Variants in SEMA6A observed in about 807,000 individuals in gnomAD.
The protein encoded by SEMA6A is semaphorin 6A.
Under a neutral mutation model 96.8 loss-of-function variants are expected in SEMA6A, and 25 were observed. The ratio of observed to expected loss-of-function variants is 0.26; its 90% CI spans 0.19 to 0.36. The LOEUF (loss-of-function observed/expected upper bound fraction) is 0.36, where lower values mean the gene tolerates loss of function less well. Ranked by LOEUF, SEMA6A falls within the 10% of genes least tolerant of loss-of-function variation. SEMA6A has a pLI of 1.00. For missense variants in SEMA6A, 1,363 were observed against 1,323.1 expected (o/e 1.03, Z -0.47); for synonymous variants, 612 against 518.0 (o/e 1.18, Z -2.46).
At chr5:116,505,531 CTTAA>C (rs898520379) in intron 1 of SEMA6A, among the ~76,000 whole-genome samples, 2 of 151,804 alleles carry the variant, frequency 1.3e-5, no homozygotes, top group African/African-American at 2.4e-5. Context: ...TGCTTGACTT[CTTAA>C]TTGAGATATT....
chr5:116,491,913 C>T (rs1463334730), intron 6 of SEMA6A, 83 bp from the exon 7 acceptor site: 7 of 1,137,564 alleles, frequency 6.2e-6, no homozygotes, highest in South Asian at 5.1e-5. Context: ...CAGGATGTGA[C>T]AGGCCTTTTG....
At chr5:116,452,552 A>G (rs535980076) in intron 18 of SEMA6A, among the ~76,000 whole-genome samples, 2 of 152,254 alleles carry the variant, frequency 1.3e-5, no homozygotes, top group South Asian at 4.1e-4. Context: ...ACCCTGCAAC[A>G]TGTGATTCAA....
chr5:116,559,643 G>A (rs1306307317), intron 1 of SEMA6A, among the ~76,000 whole-genome samples: 2 of 152,148 alleles, frequency 1.3e-5, no homozygotes, highest in Non-Finnish European at 2.9e-5. Flanking sequence ...TGCTTATTAT[G>A]TGTCACTTAA....
chr5:116,486,889 C>G lies in SEMA6A; in HGVS notation c.822G>C (p.Thr274=), dbSNP rs17139910. The part of the protein sequence containing the change: ...GSQRVLEKQW[T]SFLKARLNCS... ...AGTTCAAGCGCGCCTTCAGGAACGA[C>G]GTCCACTGTTTCTCCAGGACTCTTT... The change falls in exon 10 of 19, where the codon ACG becomes ACC. Residue 274 remains threonine, a synonymous_variant. Coordinates refer to ENST00000343348, the MANE Select transcript of SEMA6A (RefSeq NM_020796.5). 6.2e-7 allele frequency: 1 copy of G among 1,613,804 alleles called. No individual in the cohort carries two copies.
intron 3 of SEMA6A, 94 bp downstream of exon 3, chr5:116,502,116 A>G: frequency 1.1e-6 from 1 of 894,796 alleles, no homozygotes; most frequent in East Asian, 2.4e-5. Flanking sequence ...CTATTTAGAA[A>G]CCTCAAGATC....
At chr5:116,534,278 T>A (rs1313242990) in intron 1 of SEMA6A, among the ~76,000 whole-genome samples, 1 of 152,236 alleles carries the variant, frequency 6.6e-6, no homozygotes, top group Non-Finnish European at 1.5e-5. Context: ...ACCATTTTGT[T>A]TTGCTGAAAT....
In SEMA6A at chr5:116,495,276, A is replaced by G. The variant is rs970212474; in HGVS notation, c.444+137T>C. 60 of 691,310 alleles carry G rather than the reference A, an allele frequency of 8.7e-5. No individual in the cohort carries two copies. The African/African-American group carries it at 9.2e-4, about 11-fold the overall frequency. The allele number at this position is 691,310 out of a possible 1,614,324, so 42.8% of individuals were successfully genotyped here. A position where few individuals can be genotyped will look rare whatever the true frequency, so the allele number is the denominator to read the frequency against. ...AGCCTGCTTAGGATCACTCATGTGG[A>G]GCAATACATTAAGTTGAACAAGTGA... is the stretch of plus-strand genomic sequence containing the variant. On this transcript the variant is annotated intron_variant, in intron 6 of 18. Coordinates refer to ENST00000343348, the MANE Select transcript of SEMA6A (RefSeq NM_020796.5).
Position 116,445,677 on chromosome 5 carries a change from C to T in SEMA6A, c.*936G>A, listed in dbSNP as rs1754134622. The T allele has an allele frequency of 1.3e-5, 2 of 152,580 alleles. No homozygotes were observed. Among genetic ancestry groups the T allele is most frequent in the South Asian group, 4.1e-4 (2 of 4,830 alleles). The allele number at this position is 152,580 out of a possible 1,614,324, so 9.5% of individuals were successfully genotyped here. A position where few individuals can be genotyped will look rare whatever the true frequency, so the allele number is the denominator to read the frequency against. On this transcript the variant is annotated 3_prime_UTR_variant, in exon 19 of 19. Coordinates refer to ENST00000343348, the MANE Select transcript of SEMA6A (RefSeq NM_020796.5). The stretch of plus-strand genomic sequence containing the variant: ...GAACTGATAGATTTAAATAAATATT[C>T]CCCTCCTAACTTTTTCCTTTAGCTA...
At chr5:116,528,690 T>C (rs151108960) in intron 1 of SEMA6A, among the ~76,000 whole-genome samples, 345 of 152,304 alleles carry the variant, frequency 2.3e-3, no homozygotes, top group African/African-American at 7.8e-3. Context: ...TAAGTTGTGA[T>C]TGATGGTACA....
intron 18 of SEMA6A, among the ~76,000 whole-genome samples, chr5:116,464,677 C>A (rs1052901775): frequency 6.6e-6 from 1 of 152,020 alleles, no homozygotes; most frequent in Non-Finnish European, 1.5e-5. Flanking sequence ...GGTTAGGCTG[C>A]AAGGTGAGGA....
At chr5:116,474,704 A>G (rs1756364964) in intron 16 of SEMA6A, among the ~76,000 whole-genome samples, 1 of 152,226 alleles carries the variant, frequency 6.6e-6, no homozygotes, top group African/African-American at 2.4e-5. Context: ...TTATAGAATC[A>G]AATATCAGGA....
At chr5:116,488,265 G>T in intron 8 of SEMA6A, 69 bp from the exon 9 acceptor site, 1 of 1,013,646 alleles carries the variant, frequency 9.9e-7, no homozygotes, top group Non-Finnish European at 1.5e-6. Flanking sequence ...ATCAAGTGTA[G>T]CCAAAGACAT....
At chr5:116,573,636 C>A (rs988545231) in intron 1 of SEMA6A, among the ~76,000 whole-genome samples, 1 of 151,646 alleles carries the variant, frequency 6.6e-6, no homozygotes, top group African/African-American at 2.4e-5. Flanking sequence ...CCAGCCCAGA[C>A]CCCACACTGA....
At chr5:116,464,314 G>A (rs193134041) in intron 18 of SEMA6A, among the ~76,000 whole-genome samples, 1 of 152,304 alleles carries the variant, frequency 6.6e-6, no homozygotes, top group East Asian at 1.9e-4. Flanking sequence ...TAGAGAACCA[G>A]AGATAAAACA....
At chr5:116,498,060 G>C (rs1382746090) in intron 3 of SEMA6A, among the ~76,000 whole-genome samples, 2 of 152,168 alleles carry the variant, frequency 1.3e-5, no homozygotes, top group African/African-American at 4.8e-5. Flanking sequence ...ATCTAGCCTT[G>C]GAAGGGGAGA....
intron 1 of SEMA6A, among the ~76,000 whole-genome samples, chr5:116,521,691 G>C (rs532841982): frequency 6.6e-6 from 1 of 152,228 alleles, no homozygotes; most frequent in South Asian, 2.1e-4. Flanking sequence ...GAGTACTCTG[G>C]CCAGAACATA....
chr5:116,549,941 G>C (rs1760334038), intron 1 of SEMA6A, among the ~76,000 whole-genome samples: 2 of 152,102 alleles, frequency 1.3e-5, no homozygotes, highest in Non-Finnish European at 2.9e-5. Flanking sequence ...ACCCAGAAAT[G>C]CCAGTTACAT....
chr5:116,507,442 G>A (rs901003124), intron 1 of SEMA6A, among the ~76,000 whole-genome samples: 5 of 152,150 alleles, frequency 3.3e-5, no homozygotes, highest in African/African-American at 1.2e-4. Context: ...AAAGAACACA[G>A]GCTTGAGTCT....
intron 6 of SEMA6A, 142 bp from the exon 7 acceptor site, chr5:116,491,972 TG>T: frequency 1.5e-6 from 1 of 650,194 alleles, no homozygotes; most frequent in Non-Finnish European, 2.8e-6. Flanking sequence ...ACTTTTAAAC[TG>T]TAGTTGAGAA....
Sources: gnomAD v4.1 joint callset for allele counts (sites outside exome capture counted in the v4.1 genomes callset) on GRCh38, gnomAD v4.1.1 for gene constraint, MANE v1.5 for transcripts, NCBI Gene and HGNC (gene_info 2026-07-23, HGNC 2026-07-21) for gene names.